Variants in ATP6V1H observed in about 807,000 individuals in gnomAD.
ATP6V1H encodes ATPase H+ transporting V1 subunit H.
In ATP6V1H, 39 loss-of-function variants were observed where a neutral mutation model predicts 71.7. That is an observed-to-expected ratio of 0.54 (90% CI 0.42 to 0.71). The LOEUF (loss-of-function observed/expected upper bound fraction) is 0.71. Among genes scored for constraint, ATP6V1H ranks in the 30% least tolerant of loss-of-function variants. ATP6V1H has a pLI of 0.00. For missense variants in ATP6V1H, 509 were observed against 594.9 expected (o/e 0.86, Z 1.50); for synonymous variants, 192 against 199.3 (o/e 0.96, Z 0.31).
intron 4 of ATP6V1H, among the ~76,000 whole-genome samples, chr8:53,824,632 A>G (rs1810769892): frequency 6.6e-6 from 1 of 152,110 alleles, no homozygotes; most frequent in African/African-American, 2.4e-5. Context: ...AAGTCATTCA[A>G]TTATCTATGT....
chr8:53,790,068 T>TAGA (rs1157073106), intron 9 of ATP6V1H, among the ~76,000 whole-genome samples: 1 of 152,228 alleles, frequency 6.6e-6, no homozygotes, highest in Non-Finnish European at 1.5e-5. Context: ...ATTAACAACT[T>TAGA]CCAATTTAGA....
chr8:53,788,343 T>C (rs1459918935), intron 9 of ATP6V1H, among the ~76,000 whole-genome samples: 1 of 152,188 alleles, frequency 6.6e-6, no homozygotes, highest in East Asian at 1.9e-4. Context: ...GCATTATAAG[T>C]AAAAATTTGA....
chr8:53,754,704 A>C (rs1807930504), intron 12 of ATP6V1H, among the ~76,000 whole-genome samples: 1 of 152,208 alleles, frequency 6.6e-6, no homozygotes, highest in African/African-American at 2.4e-5. Context: ...ATGAAGTATA[A>C]TACCAGGGTG....
intron 2 of ATP6V1H, chr8:53,839,919 C>T (rs992927632): frequency 8.1e-6 from 8 of 985,550 alleles, no homozygotes; most frequent in Non-Finnish European, 9.6e-6. Flanking sequence ...AGCATCTTCA[C>T]GATCGGCCCC....
intron 13 of ATP6V1H, among the ~76,000 whole-genome samples, chr8:53,731,388 C>A (rs376890878): frequency 6.6e-6 from 1 of 152,172 alleles, no homozygotes; most frequent in Non-Finnish European, 1.5e-5. Flanking sequence ...GACAGCCCAG[C>A]GCCACACCCC....
At chr8:53,780,069 G>A (rs567186075) in intron 9 of ATP6V1H, among the ~76,000 whole-genome samples, 1 of 148,490 alleles carries the variant, frequency 6.7e-6, no homozygotes, top group Non-Finnish European at 1.5e-5. Flanking sequence ...TGAGGCAGGA[G>A]AATCACTTGA....
At chr8:53,756,921 T>A (rs1260569049) in intron 11 of ATP6V1H, among the ~76,000 whole-genome samples, 1 of 152,178 alleles carries the variant, frequency 6.6e-6, no homozygotes, top group Non-Finnish European at 1.5e-5. Context: ...AGAACATGAA[T>A]AAAAGTTATT....
chr8:53,726,595 T>C lies in ATP6V1H; in HGVS notation c.1392-10571A>G, dbSNP rs533376448. The stretch of plus-strand genomic sequence containing the variant: ...AACAGAGATTCAAACAACAAATGCA[T>C]TCTATCACCGCCAAGTTAGTTCTGT... On this transcript the variant is annotated intron_variant, in intron 13 of 13. Transcript: ENST00000359530. 2.6e-5 allele frequency among the ~76,000 whole-genome samples: 4 copies of C among 152,276 alleles called. No individual in the cohort carries two copies. The East Asian group carries it at 7.7e-4, about 29-fold the overall frequency.
chr8:53,804,308 G>A (rs760749645), intron 7 of ATP6V1H, among the ~76,000 whole-genome samples: 9 of 152,080 alleles, frequency 5.9e-5, no homozygotes, highest in Non-Finnish European at 1.0e-4. Context: ...TACCAACAGC[G>A]TATTATTATG....
At chr8:53,819,547 CATATATATATATATATATATATAT>C (rs34645455) in intron 4 of ATP6V1H, among the ~76,000 whole-genome samples, 17 of 35,136 alleles carry the variant, frequency 4.8e-4, no homozygotes, top group Non-Finnish European at 7.1e-4. Context: ...AAAAAAAAAG[CATATATATATATATATATATATAT>C]ATATATATAT....
At chr8:53,812,275 A>C (rs1434743842) in intron 6 of ATP6V1H, among the ~76,000 whole-genome samples, 1 of 152,210 alleles carries the variant, frequency 6.6e-6, no homozygotes, top group Admixed American at 6.5e-5. Flanking sequence ...AAGCAGAGGC[A>C]CTGCACAATT....
chr8:53,726,087 T>A (rs1359715248), intron 13 of ATP6V1H, among the ~76,000 whole-genome samples: 1 of 152,196 alleles, frequency 6.6e-6, no homozygotes, highest in Non-Finnish European at 1.5e-5. Flanking sequence ...AGCCACATAA[T>A]ACAAGTTGCC....
chr8:53,734,724 G>C (rs1807136568), intron 13 of ATP6V1H, among the ~76,000 whole-genome samples: 1 of 152,210 alleles, frequency 6.6e-6, no homozygotes, highest in Admixed American at 6.5e-5. Flanking sequence ...TTGCTTTAGG[G>C]AACTCCTGGG....
chr8:53,829,476 ACTGAACGGT>A lies in ATP6V1H; in HGVS notation c.265_273del (p.Thr89_Gln91del), dbSNP rs1211231064. 26 of 1,605,888 alleles carry A rather than the reference ACTGAACGGT, an allele frequency of 1.6e-5. No homozygotes were observed. Among genetic ancestry groups the A allele is most frequent in the Non-Finnish European group, 2.2e-5 (26 of 1,176,740 alleles). ...ATATCATCCACCATAGTTAGTATATACTGAACGGTCTGTTCTTTGCAGATATGAGTCATC... is the reference window on the plus strand; with the variant it reads ...ATATCATCCACCATAGTTAGTATATACTGTTCTTTGCAGATATGAGTCATC... On this transcript the variant is annotated inframe_deletion, in exon 4 of 14. Coordinates refer to ENST00000359530, the MANE Select transcript of ATP6V1H (RefSeq NM_015941.4).
At chr8:53,745,521 T>G (rs184622510) in intron 12 of ATP6V1H, among the ~76,000 whole-genome samples, 92 of 152,292 alleles carry the variant, frequency 6.0e-4, no homozygotes, top group Admixed American at 1.6e-3. Context: ...GGCTGCTTGT[T>G]CTCTAGACTG....
chr8:53,768,128 G>A (rs1808531638), intron 11 of ATP6V1H, among the ~76,000 whole-genome samples: 1 of 152,146 alleles, frequency 6.6e-6, no homozygotes, highest in African/African-American at 2.4e-5. Context: ...CCAAGCATCT[G>A]AACAGACATT....
chr8:53,762,077 G>C (rs1808290753), intron 11 of ATP6V1H, among the ~76,000 whole-genome samples: 1 of 152,052 alleles, frequency 6.6e-6, no homozygotes, highest in African/African-American at 2.4e-5. Context: ...AGCCACATGT[G>C]GTTTGTTTTA....
At chr8:53,740,217 T>C (rs1807363996) in intron 13 of ATP6V1H, among the ~76,000 whole-genome samples, 1 of 152,218 alleles carries the variant, frequency 6.6e-6, no homozygotes, top group Admixed American at 6.5e-5. Flanking sequence ...GTTCCATGAT[T>C]TCATAAGTAA....
At chr8:53,753,542 G>A (rs1807876976) in intron 12 of ATP6V1H, among the ~76,000 whole-genome samples, 1 of 152,228 alleles carries the variant, frequency 6.6e-6, no homozygotes, top group Non-Finnish European at 1.5e-5. Context: ...AACACCAGCT[G>A]AGGCAGTGCT....
Sources: allele counts gnomAD v4.1 joint callset (sites outside exome capture counted in the v4.1 genomes callset), GRCh38; gene constraint gnomAD v4.1.1; transcripts MANE v1.5; gene names NCBI Gene and HGNC (gene_info 2026-07-23, HGNC 2026-07-21).